The following NDUFAB1 variants were observed in gnomAD, a reference collection of about 807,000 sequenced individuals.
NDUFAB1 encodes the protein NADH:ubiquinone oxidoreductase subunit AB1.
Under a neutral mutation model 16.1 loss-of-function variants are expected in NDUFAB1, and 5 were observed. The ratio of observed to expected loss-of-function variants is 0.31; its 90% CI spans 0.16 to 0.65. NDUFAB1 has a LOEUF of 0.65. NDUFAB1 is among the 30% of genes least tolerant of loss of function. NDUFAB1 has a pLI of 0.77. For missense variants in NDUFAB1, 187 were observed against 205.3 expected (o/e 0.91, Z 0.54); for synonymous variants, 85 against 78.4 (o/e 1.08, Z -0.44).
At chr16:23,584,747 CTG>C (rs916423742) in intron 3 of NDUFAB1, among the ~76,000 whole-genome samples, 17 of 152,222 alleles carry the variant, frequency 1.1e-4, no homozygotes, top group African/African-American at 3.9e-4. Context: ...TCAGCATCAT[CTG>C]TGAGGAATTT....
At chr16:23,583,165 T>C (rs1417099313) in intron 3 of NDUFAB1, among the ~76,000 whole-genome samples, 1 of 152,232 alleles carries the variant, frequency 6.6e-6, no homozygotes, top group Non-Finnish European at 1.5e-5. Context: ...CTCGGCTAGC[T>C]ACAACCTCCA....
intron 1 of NDUFAB1, 137 bp downstream of exon 1, chr16:23,595,986 G>A: frequency 1.9e-6 from 2 of 1,067,700 alleles, no homozygotes; most frequent in South Asian, 1.7e-5. Context: ...CCTTTAGGCA[G>A]CGGGGCTGCG....
At chr16:23,585,469 T>C (rs1421184257) in intron 2 of NDUFAB1, 46 bp from the exon 3 acceptor site, 1 of 1,359,366 alleles carries the variant, frequency 7.4e-7, no homozygotes, top group Non-Finnish European at 1.1e-6. Context: ...CATGAAAGCA[T>C]CTGCTTCCCA....
At chr16:23,589,654 G>A (rs1220931466) in intron 1 of NDUFAB1, among the ~76,000 whole-genome samples, 1 of 152,196 alleles carries the variant, frequency 6.6e-6, no homozygotes, top group East Asian at 1.9e-4. Flanking sequence ...ATGGTACGAG[G>A]CCAGGTGTGG....
intron 3 of NDUFAB1, among the ~76,000 whole-genome samples, chr16:23,582,847 T>C (rs1032632524): frequency 7.0e-6 from 1 of 143,642 alleles, no homozygotes; most frequent in Admixed American, 6.9e-5. Context: ...TCTCTTTCCA[T>C]GGTCTCCCTC....
rs1382016034 is a variant in NDUFAB1 at position 23,582,209 on chromosome 16, T to G, written c.*8+67A>C. The G allele has an allele frequency of 2.2e-6, 3 of 1,363,138 alleles. No individual in the cohort carries two copies. The African/African-American group carries it at 4.6e-5, about 21-fold the overall frequency. 84.4% of individuals were successfully genotyped at this position (1,363,138 alleles called of 1,614,324 possible). A position where few individuals can be genotyped will look rare whatever the true frequency, so the allele number is the denominator to read the frequency against. ...AGCATTTCCATTTTCTGTTTCTTCTTAAGTTTCCTTTATTGAAGAACCACA... is the reference window on the plus strand; with the variant it reads ...AGCATTTCCATTTTCTGTTTCTTCTGAAGTTTCCTTTATTGAAGAACCACA... On this transcript the variant is annotated intron_variant, in intron 4 of 4. Transcript: ENST00000007516.
rs926685085 is a variant in NDUFAB1 at position 23,587,793 on chromosome 16, G to T, written c.169-474C>A. 5.3e-5 allele frequency among the ~76,000 whole-genome samples: 8 copies of T among 152,360 alleles called. No homozygotes were observed. The East Asian group carries it at 1.3e-3, about 26-fold the overall frequency. On this transcript the variant is annotated intron_variant, in intron 1 of 4. Coordinates refer to ENST00000007516, the MANE Select transcript of NDUFAB1 (RefSeq NM_005003.3). ...AAATTGAGGACCATACACCAGAAAGGTCTAGTTTGGTTCCAGCAGTTATCT... is the reference window on the plus strand; with the variant it reads ...AAATTGAGGACCATACACCAGAAAGTTCTAGTTTGGTTCCAGCAGTTATCT...
At chr16:23,592,361 T>A (rs419743) in intron 1 of NDUFAB1, among the ~76,000 whole-genome samples, 15,761 of 141,962 alleles carry the variant, frequency 0.11, 1,003 homozygotes, top group African/African-American at 0.19. Flanking sequence ...AAAAAAAAAG[T>A]CATGAAAGTG....
chr16:23,596,016 C>G, intron 1 of NDUFAB1, 107 bp downstream of exon 1: 1 of 1,355,808 alleles, frequency 7.4e-7, no homozygotes, highest in Non-Finnish European at 9.8e-7. Flanking sequence ...GGCTGCCCCC[C>G]GGGTCACCCC....
Position 23,585,489 on chromosome 16 carries a change from G to A in NDUFAB1, c.292-66C>T. On this transcript the variant is annotated intron_variant, in intron 2 of 4. Coordinates refer to ENST00000007516, the MANE Select transcript of NDUFAB1 (RefSeq NM_005003.3). ...AAGCATCTGCTTCCCAAGATAACAG[G>A]GTGGTACAATGCCACTTAATCACTA... 9.6e-6 allele frequency: 11 copies of A among 1,143,136 alleles called. 1 individual carries two copies. In the South Asian group the frequency reaches 1.4e-4, roughly 14 times the overall value. The allele number at this position is 1,143,136 out of a possible 1,614,324, so 70.8% of individuals were successfully genotyped here.
At chr16:23,584,254 T>TA (rs774895056) in intron 3 of NDUFAB1, among the ~76,000 whole-genome samples, 6 of 12,120 alleles carry the variant, frequency 5.0e-4, no homozygotes, top group Non-Finnish European at 9.1e-4. Context: ...GAATGATCAA[T>TA]TAAAAAAAAA....
At chr16:23,587,115 G>A (rs1276299902) in intron 2 of NDUFAB1, 82 bp downstream of exon 2, 2 of 1,391,436 alleles carry the variant, frequency 1.4e-6, no homozygotes, top group African/African-American at 1.4e-5. Context: ...GATTTTTACT[G>A]AGTATCTTTC....
chr16:23,591,447 G>A (rs970143890), intron 1 of NDUFAB1, among the ~76,000 whole-genome samples: 3 of 152,114 alleles, frequency 2.0e-5, no homozygotes, highest in South Asian at 2.1e-4. Context: ...TTTAAAGGCC[G>A]TCTCTACAAA....
At chr16:23,595,366 C>T (rs1731141418) in intron 1 of NDUFAB1, 1 of 355,294 alleles carries the variant, frequency 2.8e-6, no homozygotes, top group East Asian at 7.5e-5. Context: ...TACAGTCGTT[C>T]CTTGGTATTT....
intron 1 of NDUFAB1, among the ~76,000 whole-genome samples, chr16:23,590,679 C>T (rs1382418797): frequency 6.9e-6 from 1 of 144,346 alleles, no homozygotes; most frequent in Non-Finnish European, 1.5e-5. Context: ...CTGTGTTGCC[C>T]AGGCTGGAGT....
At chr16:23,593,847 C>T (rs1020726263) in intron 1 of NDUFAB1, among the ~76,000 whole-genome samples, 2 of 147,920 alleles carry the variant, frequency 1.4e-5, no homozygotes, top group African/African-American at 5.0e-5. Flanking sequence ...GCCTTTTTAA[C>T]CCTTATTTAT....
intron 3 of NDUFAB1, among the ~76,000 whole-genome samples, chr16:23,584,271 A>G (rs890701691): frequency 7.2e-6 from 1 of 138,312 alleles, no homozygotes; most frequent in South Asian, 2.4e-4. Context: ...AAAAAAAAAA[A>G]AAAGAAACCC....
chr16:23,582,148 G>A, intron 4 of NDUFAB1, 128 bp downstream of exon 4: 1 of 1,187,308 alleles, frequency 8.4e-7, no homozygotes, highest in African/African-American at 1.6e-5. Context: ...AACAGGAAAG[G>A]GCTTGCATTT....
rs151010809 is a variant in NDUFAB1 at position 23,587,292 on chromosome 16, G to T, written c.196C>A (p.Arg66Ser). The T allele has an allele frequency of 1.2e-6, 2 of 1,613,864 alleles. No individual in the cohort carries two copies. Among genetic ancestry groups the T allele is most frequent in the African/African-American group, 2.7e-5 (2 of 74,910 alleles). The change falls in exon 2 of 5, where the codon CGC becomes AGC. Residue 66 changes from arginine to serine, a missense_variant. Physicochemically the swap from Arg to Ser is moderately radical, Grantham distance 110. Coordinates refer to ENST00000007516, the MANE Select transcript of NDUFAB1 (RefSeq NM_005003.3). ...QVPGRVTQLC[R>S]QYSDMPPLTL... is the part of the protein sequence containing the mutation. ...AAAGGAGGCATGTCGCTATACTGGCGGCACAACTGTGTAACTCTACCAGGA... is the reference window on the plus strand; with the variant it reads ...AAAGGAGGCATGTCGCTATACTGGCTGCACAACTGTGTAACTCTACCAGGA...
Sources: gnomAD v4.1 joint callset for allele counts (sites outside exome capture counted in the v4.1 genomes callset) on GRCh38, gnomAD v4.1.1 for gene constraint, MANE v1.5 for transcripts, NCBI Gene and HGNC (gene_info 2026-07-23, HGNC 2026-07-21) for gene names.